The following SLAMF8 variants were observed in gnomAD, a reference collection of about 807,000 sequenced individuals.
SLAMF8 encodes B lymphocyte activator macrophage expressed.
Under a neutral mutation model 29.0 loss-of-function variants are expected in SLAMF8, and 23 were observed. That is an observed-to-expected ratio of 0.79 (90% CI 0.57 to 1.13). The LOEUF (loss-of-function observed/expected upper bound fraction) is 1.13, where lower values mean the gene tolerates loss of function less well. Among genes scored for constraint, SLAMF8 ranks in the 50% most tolerant of loss-of-function variants. The pLI is 0.00. For synonymous variants in SLAMF8, 139 were observed against 145.6 expected (o/e 0.96, Z 0.32); for missense variants, 381 against 353.1 (o/e 1.08, Z -0.63).
chr1:159,827,314 G>A (rs1454272295), intron 1 of SLAMF8, among the ~76,000 whole-genome samples: 1 of 152,166 alleles, frequency 6.6e-6, no homozygotes, highest in Admixed American at 6.5e-5. Flanking sequence ...GAGGAGAGTA[G>A]CAGAGGGCAG....
intron 2 of SLAMF8, 88 bp downstream of exon 2, chr1:159,830,280 G>A: frequency 1.5e-6 from 2 of 1,378,500 alleles, no homozygotes; most frequent in Non-Finnish European, 1.9e-6. Flanking sequence ...AGGGAGAGCT[G>A]GGTTCCAGAA....
Position 159,832,872 on chromosome 1 carries a change from CCAGATG to C in SLAMF8, c.368_373del (p.Asp123_Ala124del). On this transcript the variant is annotated splice_acceptor_variant and splice_polypyrimidine_tract_variant and coding_sequence_variant and intron_variant, in exon 3 of 5. Transcript: ENST00000289707. LOFTEE classifies it high-confidence loss of function. ...CCCATACCAGCTGTACTTTTCTTTC[CCAGATG>C]CAGTGCCCAGGCCCGTGGTACAAGT... The C allele has an allele frequency of 1.2e-6, 2 of 1,611,058 alleles. No homozygotes were observed. The highest frequency in any genetic ancestry group is 3.3e-5 in the Admixed American group (2 of 59,926).
At position 159,837,204 on chromosome 1, in the gene SLAMF8, G is replaced by T. The variant is rs999451820; in HGVS notation, c.*1944G>T. On this transcript the variant is annotated 3_prime_UTR_variant, in exon 5 of 5. Coordinates refer to ENST00000289707, the MANE Select transcript of SLAMF8 (RefSeq NM_020125.3). ...TTGTAGCGTGGTGCACCAGGGCCTT[G>T]TTGAACAGATCCACACTGCTCTAAT... 4.3e-5 allele frequency: 42 copies of T among 984,578 alleles called. No individual in the cohort carries two copies. The highest frequency in any genetic ancestry group is 5.1e-5 in the Non-Finnish European group (42 of 829,762). 61.0% of individuals were successfully genotyped at this position (984,578 alleles called of 1,614,324 possible).
In SLAMF8 at chr1:159,833,154, C is replaced by A. The variant is rs1647622308; in HGVS notation, c.646C>A (p.Pro216Thr). 4 of 1,614,122 alleles carry A rather than the reference C, an allele frequency of 2.5e-6. No individual in the cohort carries two copies. Among genetic ancestry groups the A allele is most frequent in the Non-Finnish European group, 3.4e-6 (4 of 1,180,020 alleles). The change falls in exon 3 of 5, where the codon CCC (proline) becomes ACC (threonine). Residue 216 changes from proline (P) to threonine (T), a missense_variant. Transcript: ENST00000289707. ...CAGCTGGGACTTGGCCACAGTCACG[C>A]CCTGGGATAGCTGTCATCATGAGGC... ...PVSWDLATVT[P>T]WDSCHHEAAP...
At chr1:159,831,885 C>T (rs1030802034) in intron 2 of SLAMF8, among the ~76,000 whole-genome samples, 12 of 152,172 alleles carry the variant, frequency 7.9e-5, no homozygotes, top group Admixed American at 7.9e-4. Flanking sequence ...AAATATCCCC[C>T]CTGTAATCTT....
rs1275149589 is a variant in SLAMF8, at chr1:159,835,646, C to T, written c.*386C>T. The T allele has an allele frequency of 9.9e-7, 1 of 1,009,300 alleles. No individual in the cohort carries two copies. Among genetic ancestry groups the T allele is most frequent in the African/African-American group, 1.7e-5 (1 of 58,014 alleles). The allele number at this position is 1,009,300 out of a possible 1,614,324, so 62.5% of individuals were successfully genotyped here. A position where few individuals can be genotyped will look rare whatever the true frequency, so the allele number is the denominator to read the frequency against. ...CTGGCACCAAGGAATTGCCTCCAGCCTGAGTCCTAGGCTCTAAAAGATATT... is the reference window on the plus strand; with the variant it reads ...CTGGCACCAAGGAATTGCCTCCAGCTTGAGTCCTAGGCTCTAAAAGATATT... On this transcript the variant is annotated 3_prime_UTR_variant, in exon 5 of 5. Transcript: ENST00000289707.
At position 159,826,952 on chromosome 1, in the gene SLAMF8, G is replaced by A; in HGVS notation, c.40+14G>A. 3 of 1,614,080 alleles carry A rather than the reference G, an allele frequency of 1.9e-6. No homozygotes were observed. Among genetic ancestry groups the A allele is most frequent in the Admixed American group, 1.7e-5 (1 of 60,016 alleles). On this transcript the variant is annotated intron_variant, in intron 1 of 4. Transcript: ENST00000289707. Reference sequence around the variant, plus strand: ...TTCTCTGGGAAGGTAAGTGGGGCAGGCAGATAGCCTGTCCTCGGAGAGCTG... The same window carrying A: ...TTCTCTGGGAAGGTAAGTGGGGCAGACAGATAGCCTGTCCTCGGAGAGCTG...
chr1:159,835,308 G>C lies in SLAMF8; in HGVS notation c.*48G>C, dbSNP rs1037494946. 1 of 1,593,130 alleles carries C rather than the reference G, an allele frequency of 6.3e-7. No individual in the cohort carries two copies. Among genetic ancestry groups the C allele is most frequent in the Admixed American group, 1.8e-5 (1 of 55,936 alleles). On this transcript the variant is annotated 3_prime_UTR_variant, in exon 5 of 5. Coordinates refer to ENST00000289707, the MANE Select transcript of SLAMF8 (RefSeq NM_020125.3). ...GGACTATCAGTAACCCCACTGCACA[G>C]GCACACGATGCTCTGGGACATAACT...
At position 159,835,856 on chromosome 1, in the gene SLAMF8, G is replaced by T; in HGVS notation, c.*596G>T. The T allele has an allele frequency of 1.0e-6, 1 of 985,430 alleles. No individual in the cohort carries two copies. The highest frequency in any genetic ancestry group is 1.2e-6 in the Non-Finnish European group (1 of 829,978). 61.0% of individuals were successfully genotyped at this position (985,430 alleles called of 1,614,324 possible). On this transcript the variant is annotated 3_prime_UTR_variant, in exon 5 of 5. Transcript: ENST00000289707. ...TCTCTTTCTGGCCTAAGGACTTTCA[G>T]GTAATCAGAGTTCATGGGCCCTCAA...
In SLAMF8 at chr1:159,826,939, G is replaced by A; in HGVS notation, c.40+1G>A. On this transcript the variant is annotated splice_donor_variant, in intron 1 of 4. Coordinates refer to ENST00000289707, the MANE Select transcript of SLAMF8 (RefSeq NM_020125.3). LOFTEE classifies it high-confidence loss of function. ...CTGTGGAGTCTGCTTCTCTGGGAAGGTAAGTGGGGCAGGCAGATAGCCTGT... is the reference window on the plus strand; with the variant it reads ...CTGTGGAGTCTGCTTCTCTGGGAAGATAAGTGGGGCAGGCAGATAGCCTGT... 1 of 1,614,134 alleles carries A rather than the reference G, an allele frequency of 6.2e-7. No individual in the cohort carries two copies. Among genetic ancestry groups the A allele is most frequent in the Non-Finnish European group, 8.5e-7 (1 of 1,180,034 alleles).
At chr1:159,833,399 T>TC in intron 4 of SLAMF8, 30 bp downstream of exon 4, 1 of 1,613,482 alleles carries the variant, frequency 6.2e-7, no homozygotes, top group Non-Finnish European at 8.5e-7. Flanking sequence ...AGGAGGTAGG[T>TC]GGAGGAAGTG....
At position 159,837,283 on chromosome 1, in the gene SLAMF8, C is replaced by T. The variant is rs1030849660; in HGVS notation, c.*2023C>T. On this transcript the variant is annotated 3_prime_UTR_variant, in exon 5 of 5. Coordinates refer to ENST00000289707, the MANE Select transcript of SLAMF8 (RefSeq NM_020125.3). ...TCAACTAGTGGACTAATTAACCCTC[C>T]ACCAAAAAAACACAAAGTGCTTCTG... The T allele has an allele frequency of 1.5e-5, 15 of 985,340 alleles. No individual in the cohort carries two copies. In the African/African-American group the frequency reaches 2.6e-4, roughly 17 times the overall value. The allele number at this position is 985,340 out of a possible 1,614,324, so 61.0% of individuals were successfully genotyped here.
rs1309311277 is a variant in SLAMF8 at position 159,833,254 on chromosome 1, A to G, written c.674-8A>G. ...AGTCCACCTCTAACCCCACCCCTCC[A>G]TGTTCAGCACCAGGGAAGGCCTCCT... On this transcript the variant is annotated splice_polypyrimidine_tract_variant and splice_region_variant and intron_variant, in intron 3 of 4. Coordinates refer to ENST00000289707, the MANE Select transcript of SLAMF8 (RefSeq NM_020125.3). 6.2e-7 allele frequency: 1 copy of G among 1,613,878 alleles called. No individual in the cohort carries two copies. Among genetic ancestry groups the G allele is most frequent in the African/African-American group, 1.3e-5 (1 of 74,878 alleles).
chr1:159,835,159 A>T (rs370052835), intron 4 of SLAMF8, 25 bp from the exon 5 acceptor site: 38 of 1,609,334 alleles, frequency 2.4e-5, no homozygotes, highest in Non-Finnish European at 3.1e-5. Flanking sequence ...TGGAGGGGTA[A>T]CTTTCTTTCT....
At chr1:159,835,118 G>A in intron 4 of SLAMF8, 66 bp from the exon 5 acceptor site, 2 of 1,473,586 alleles carry the variant, frequency 1.4e-6, no homozygotes, top group Non-Finnish European at 1.9e-6. Context: ...GAGGCCTGCA[G>A]GCAGGCCAAG....
Position 159,835,506 on chromosome 1 carries a change from G to T in SLAMF8, c.*246G>T, listed in dbSNP as rs760015599. The T allele has an allele frequency of 5.8e-5, 75 of 1,283,884 alleles. No individual in the cohort carries two copies. Among genetic ancestry groups the T allele is most frequent in the Non-Finnish European group, 7.0e-5 (71 of 1,015,258 alleles). 79.5% of individuals were successfully genotyped at this position (1,283,884 alleles called of 1,614,324 possible). On this transcript the variant is annotated 3_prime_UTR_variant, in exon 5 of 5. Transcript: ENST00000289707. ...CCTGGCTCTTCTCTGGGCAAGATGA[G>T]CCAAGCAGAACATTCCATCCAGGAC...
rs370780488 is a variant in SLAMF8 at position 159,833,243 on chromosome 1, C to G, written c.674-19C>G. ...ATGAAGCATCAAGTCCACCTCTAAC[C>G]CCACCCCTCCATGTTCAGCACCAGG... On this transcript the variant is annotated intron_variant, in intron 3 of 4. Coordinates refer to ENST00000289707, the MANE Select transcript of SLAMF8 (RefSeq NM_020125.3). 2.5e-6 allele frequency: 4 copies of G among 1,614,012 alleles called. No homozygotes were observed. Among genetic ancestry groups the G allele is most frequent in the Non-Finnish European group, 3.4e-6 (4 of 1,180,006 alleles).
In SLAMF8 at chr1:159,835,590, C is replaced by A; in HGVS notation, c.*330C>A. 9.3e-7 allele frequency: 1 copy of A among 1,071,426 alleles called. No individual in the cohort carries two copies. Among genetic ancestry groups the A allele is most frequent in the Non-Finnish European group, 1.1e-6 (1 of 884,874 alleles). 66.4% of individuals were successfully genotyped at this position (1,071,426 alleles called of 1,614,324 possible). ...ACATTAATAGTCCAAGGCATTCCCT[C>A]CCCCACCACTATTCATAAAGTATTA... is the stretch of plus-strand genomic sequence containing the variant. On this transcript the variant is annotated 3_prime_UTR_variant, in exon 5 of 5. Coordinates refer to ENST00000289707, the MANE Select transcript of SLAMF8 (RefSeq NM_020125.3).
intron 2 of SLAMF8, among the ~76,000 whole-genome samples, chr1:159,830,909 C>T (rs960397974): frequency 1.2e-4 from 19 of 152,278 alleles, no homozygotes; most frequent in South Asian, 8.3e-4. Context: ...CTCATAATTC[C>T]GTGGGTTGGC....
Sources: gnomAD v4.1 joint callset for allele counts (sites outside exome capture counted in the v4.1 genomes callset) on GRCh38, gnomAD v4.1.1 for gene constraint, MANE v1.5 for transcripts, NCBI Gene and HGNC (gene_info 2026-07-23, HGNC 2026-07-21) for gene names.